Variants in GPHN observed in about 807,000 individuals in gnomAD.
GPHN encodes gephyrin.
In GPHN, 17 loss-of-function variants were observed where a neutral mutation model predicts 95.5. The ratio of observed to expected loss-of-function variants is 0.18; its 90% CI spans 0.12 to 0.27. GPHN has a LOEUF of 0.27. Among genes scored for constraint, GPHN ranks in the 10% least tolerant of loss-of-function variants. The pLI is 1.00. For synonymous variants in GPHN, 320 were observed against 322.5 expected, an observed-to-expected ratio of 0.99 and a Z score of 0.08; for missense variants, 660 against 978.1, an observed-to-expected ratio of 0.67 and a Z score of 4.34.
At chr14:67,055,814 T>A (rs1462381227) in intron 10 of GPHN, among the ~76,000 whole-genome samples, 1 of 152,218 alleles carries the variant, frequency 6.6e-6, no homozygotes, top group Admixed American at 6.5e-5. Flanking sequence ...TTCCTTCAGA[T>A]GTTCAGATGT....
rs147464066 is a variant in GPHN at position 66,975,943 on chromosome 14, A to G, written c.963+10618A>G. Among the ~76,000 whole-genome samples the G allele has an allele frequency of 3.4e-4, 52 of 152,332 alleles. No homozygotes were observed. In the East Asian group the frequency reaches 5.2e-3, roughly 15 times the overall value. On this transcript the variant is annotated intron_variant, in intron 9 of 22. Transcript: ENST00000478722. The stretch of plus-strand genomic sequence containing the variant: ...TTTCTGTTATTTGTAACACCAAGAT[A>G]TTAAATAACCTCTAAAGTCCCTTGT...
intron 8 of GPHN, among the ~76,000 whole-genome samples, chr14:66,931,365 T>G (rs1047692000): frequency 4.6e-5 from 7 of 152,182 alleles, no homozygotes; most frequent in Admixed American, 4.6e-4. Context: ...TTCTGTAGCC[T>G]TCGTGTACTT....
At chr14:66,927,588 T>C (rs746735239) in intron 8 of GPHN, among the ~76,000 whole-genome samples, 5 of 152,150 alleles carry the variant, frequency 3.3e-5, no homozygotes, top group Non-Finnish European at 7.4e-5. Flanking sequence ...TGAATAACAG[T>C]GGTAAAAGTG....
the GPHN span, among the ~76,000 whole-genome samples, chr14:67,475,066 C>A: frequency 6.6e-5 from 10 of 152,072 alleles, no homozygotes; most frequent in East Asian, 1.9e-3. Flanking sequence ...CAGGCACACA[C>A]CATCATGCCC....
the GPHN span, among the ~76,000 whole-genome samples, chr14:67,200,891 C>G: frequency 2.6e-5 from 4 of 152,192 alleles, no homozygotes; most frequent in Admixed American, 1.3e-4. Flanking sequence ...GACGTTGCCC[C>G]CATCGTAATT....
chr14:67,496,510 T>C, the GPHN span, among the ~76,000 whole-genome samples: 2 of 145,522 alleles, frequency 1.4e-5, no homozygotes, highest in Non-Finnish European at 3.0e-5. Context: ...TTCAATAGGG[T>C]GTGCGATGAC....
At chr14:66,704,125 C>T (rs1413706214) in intron 2 of GPHN, among the ~76,000 whole-genome samples, 6 of 152,218 alleles carry the variant, frequency 3.9e-5, no homozygotes, top group Middle Eastern at 3.4e-3. Context: ...GCTGACTATT[C>T]TAAATATATA....
At chr14:67,693,308 T>C in the GPHN span, among the ~76,000 whole-genome samples, 1 of 152,208 alleles carries the variant, frequency 6.6e-6, no homozygotes, top group Non-Finnish European at 1.5e-5. Flanking sequence ...ACTGGATGAA[T>C]ACCTGCTTAG....
At chr14:67,089,133 C>CTTTTTTTTTTTTATTTTTTTT in intron 12 of GPHN, 58 bp downstream of exon 12, 1 of 198,576 alleles carries the variant, frequency 5.0e-6, no homozygotes, top group Non-Finnish European at 7.8e-6. Context: ...TTCTTTTTTT[C>CTTTTTTTTTTTTATTTTTTTT]TTTTTTTTTT....
At chr14:67,364,590 T>A in the GPHN span, 1 of 588,868 alleles carries the variant, frequency 1.7e-6, no homozygotes, top group Non-Finnish European at 2.8e-6. Flanking sequence ...TAAAGCTTGG[T>A]TCCTGAACAT....
intron 4 of GPHN, among the ~76,000 whole-genome samples, chr14:66,854,870 C>T (rs1374655593): frequency 3.4e-5 from 5 of 146,180 alleles, no homozygotes; most frequent in African/African-American, 5.1e-5. Flanking sequence ...TCTTCTGAGA[C>T]GTAGTCTCAC....
At chr14:67,217,035 G>A in the GPHN span, among the ~76,000 whole-genome samples, 2 of 152,152 alleles carry the variant, frequency 1.3e-5, no homozygotes, top group Admixed American at 6.5e-5. Context: ...TTATTGTATT[G>A]GGATCTCTAT....
the GPHN span, among the ~76,000 whole-genome samples, chr14:67,217,940 G>A: frequency 6.6e-6 from 1 of 152,138 alleles, no homozygotes; most frequent in Non-Finnish European, 1.5e-5. Flanking sequence ...CACAGGGAAA[G>A]ACTTATTTAT....
chr14:67,347,516 T>TTC, the GPHN span: 11 of 1,421,958 alleles, frequency 7.7e-6, no homozygotes, highest in African/African-American at 3.0e-5. Context: ...TTTTTTTTTT[T>TTC]CTGAGACGGA....
the GPHN span, among the ~76,000 whole-genome samples, chr14:67,559,356 C>T: frequency 6.6e-6 from 1 of 152,226 alleles, no homozygotes; most frequent in South Asian, 2.1e-4. Flanking sequence ...GCACAGCGTT[C>T]TCCTTCCATG....
At chr14:66,752,847 A>G (rs1384136540) in intron 2 of GPHN, among the ~76,000 whole-genome samples, 1 of 151,814 alleles carries the variant, frequency 6.6e-6, no homozygotes, top group African/African-American at 2.4e-5. Flanking sequence ...CAAGACTATA[A>G]TGGACAAGAA....
the GPHN span, among the ~76,000 whole-genome samples, chr14:67,712,129 A>C: frequency 3.0e-4 from 46 of 152,202 alleles, 1 homozygote; most frequent in African/African-American, 1.1e-3. Flanking sequence ...CATGTTGGCC[A>C]GGCTGGTCTT....
Position 66,921,179 on chromosome 14 carries a change from T to C in GPHN, c.457-1487T>C, listed in dbSNP as rs1032694415. On this transcript the variant is annotated intron_variant, in intron 6 of 22. Transcript: ENST00000478722. ...GTTCTTTAAGGAATCTCCACAGTTT[T>C]CCTTAGTGGTTTCACTAGTTTACAT... is the stretch of plus-strand genomic sequence containing the variant. 3.3e-5 allele frequency among the ~76,000 whole-genome samples: 5 copies of C among 152,210 alleles called. No homozygotes were observed. The East Asian group carries it at 9.6e-4, about 29-fold the overall frequency.
At chr14:67,289,768 C>CT in the GPHN span, among the ~76,000 whole-genome samples, 2,498 of 95,430 alleles carry the variant, frequency 0.026, 196 homozygotes, top group African/African-American at 0.033. Context: ...TTTTCCATGT[C>CT]CTTTTTTTTT....
Sources: gnomAD v4.1 joint callset for allele counts (sites outside exome capture counted in the v4.1 genomes callset) on GRCh38, gnomAD v4.1.1 for gene constraint, MANE v1.5 for transcripts, NCBI Gene and HGNC (gene_info 2026-07-23, HGNC 2026-07-21) for gene names.